The following THADA variants were observed in gnomAD, a reference collection of about 807,000 sequenced individuals.
The protein encoded by THADA is THADA armadillo repeat containing, also known as tRNA (32-2'-O)-methyltransferase regulator THADA.
A neutral mutation model predicts 219.8 loss-of-function variants in THADA; 213 were observed. The observed-to-expected ratio is 0.97, with a 90% confidence interval of 0.87 to 1.09. The LOEUF is 1.09. THADA is among the 50% of genes least tolerant of loss of function. The pLI is 0.00. For missense variants in THADA, 2,956 were observed against 2,311.3 expected, an observed-to-expected ratio of 1.28 and a Z score of -5.72; for synonymous variants, 1,018 against 828.9, an observed-to-expected ratio of 1.23 and a Z score of -3.92.
intron 4 of THADA, among the ~76,000 whole-genome samples, chr2:43,587,614 C>T (rs895588156): frequency 6.6e-6 from 1 of 152,174 alleles, no homozygotes; most frequent in Non-Finnish European, 1.5e-5. Flanking sequence ...CATGTCTGAG[C>T]AAAGCTATAT....
intron 29 of THADA, among the ~76,000 whole-genome samples, chr2:43,387,071 G>C (rs17334415): frequency 0.1 from 15,492 of 152,180 alleles, 864 homozygotes; most frequent in Middle Eastern, 0.14. Context: ...TAGAACCTCT[G>C]TTTTTAGAGA....
chr2:43,356,384 T>C (rs920021323), intron 29 of THADA, among the ~76,000 whole-genome samples: 1 of 152,136 alleles, frequency 6.6e-6, no homozygotes, highest in Non-Finnish European at 1.5e-5. Flanking sequence ...AAAAGTGTTT[T>C]TTAAAAGAAT....
chr2:43,497,511 G>A (rs1205522887), intron 25 of THADA, among the ~76,000 whole-genome samples: 1 of 152,108 alleles, frequency 6.6e-6, no homozygotes, highest in Non-Finnish European at 1.5e-5. Context: ...ACAGAAAGGG[G>A]AACAACACAC....
chr2:43,355,039 A>T (rs1264992076), intron 29 of THADA, among the ~76,000 whole-genome samples: 2 of 152,146 alleles, frequency 1.3e-5, no homozygotes, highest in African/African-American at 4.8e-5. Context: ...CTGAACTGTG[A>T]GTCAGTTAAA....
At chr2:43,443,659 A>T (rs1304473990) in intron 26 of THADA, among the ~76,000 whole-genome samples, 1 of 152,262 alleles carries the variant, frequency 6.6e-6, no homozygotes, top group Admixed American at 6.5e-5. Flanking sequence ...GGAGACCACT[A>T]AAAATTGTGA....
chr2:43,382,896 T>C (rs1215609968), intron 29 of THADA, among the ~76,000 whole-genome samples: 1 of 152,098 alleles, frequency 6.6e-6, no homozygotes, highest in Non-Finnish European at 1.5e-5. Flanking sequence ...ACCACAAAAA[T>C]GGCCTCAAAA....
chr2:43,270,822 G>A (rs915197003), intron 36 of THADA, among the ~76,000 whole-genome samples: 1 of 152,138 alleles, frequency 6.6e-6, no homozygotes, highest in Non-Finnish European at 1.5e-5. Context: ...ACAGCCACCA[G>A]TACTCCAGCC....
Position 43,581,897 on chromosome 2 carries a change from G to C in THADA, c.565C>G (p.Gln189Glu), listed in dbSNP as rs1442591633. 3.2e-6 allele frequency: 5 copies of C among 1,565,286 alleles called. No homozygotes were observed. The highest frequency in any genetic ancestry group is 4.3e-6 in the Non-Finnish European group (5 of 1,161,324). ...KCAGNHIIQT[Q>E]LMNDLLVGIR... ...CCTACCAGTAAGTCATTCATCAACT[G>C]TGTTTGAATAATATGATTTCCAGCA... The change falls in exon 8 of 38, where the codon CAG becomes GAG. Residue 189 changes from glutamine to glutamate, a missense_variant. Gln to Glu is a conservative substitution (Grantham distance 29). Transcript: ENST00000405975.
chr2:43,281,734 G>T (rs1673389712), intron 35 of THADA, among the ~76,000 whole-genome samples: 2 of 151,520 alleles, frequency 1.3e-5, no homozygotes, highest in South Asian at 4.2e-4. Context: ...ACCACGCCTG[G>T]CCTCTCATGC....
At chr2:43,467,330 G>T (rs1684383808) in intron 26 of THADA, among the ~76,000 whole-genome samples, 1 of 151,980 alleles carries the variant, frequency 6.6e-6, no homozygotes, top group Non-Finnish European at 1.5e-5. Context: ...CGCTAGATAT[G>T]AAATGATGTA....
At chr2:43,504,873 G>T (rs529661185) in intron 24 of THADA, among the ~76,000 whole-genome samples, 1 of 152,174 alleles carries the variant, frequency 6.6e-6, no homozygotes, top group African/African-American at 2.4e-5. Context: ...AACAGAGTGA[G>T]ACTCTGTCTC....
At chr2:43,418,012 A>C (rs1677213354) in intron 28 of THADA, among the ~76,000 whole-genome samples, 1 of 152,208 alleles carries the variant, frequency 6.6e-6, no homozygotes, top group African/African-American at 2.4e-5. Context: ...TCAGGATGGA[A>C]AAAATAGGAG....
chr2:43,515,298 A>ATATATAATAT (rs1691510778), intron 22 of THADA, among the ~76,000 whole-genome samples: 1 of 18,472 alleles, frequency 5.4e-5, no homozygotes, highest in East Asian at 1.1e-3. Flanking sequence ...TATAATATAT[A>ATATATAATAT]ATATGTAATA....
At chr2:43,274,637 G>A (rs6712123) in intron 36 of THADA, among the ~76,000 whole-genome samples, 1,763 of 152,226 alleles carry the variant, frequency 0.012, 39 homozygotes, top group African/African-American at 0.04. Context: ...GGGTGCTGTC[G>A]AGAAGATGGG....
At chr2:43,262,637 G>C (rs929132177) in intron 36 of THADA, among the ~76,000 whole-genome samples, 4 of 152,126 alleles carry the variant, frequency 2.6e-5, no homozygotes, top group Admixed American at 2.6e-4. Flanking sequence ...CTAAGTTCGT[G>C]TTTTTTTCCT....
chr2:43,416,974 C>A (rs1172863159), intron 28 of THADA, among the ~76,000 whole-genome samples: 1 of 150,832 alleles, frequency 6.6e-6, no homozygotes, highest in Non-Finnish European at 1.5e-5. Flanking sequence ...ACAATTACTG[C>A]ATAAGAAAAC....
chr2:43,312,709 C>A (rs1167932492), intron 31 of THADA, among the ~76,000 whole-genome samples: 1 of 147,786 alleles, frequency 6.8e-6, no homozygotes, highest in Non-Finnish European at 1.5e-5. Context: ...TTATTGACAA[C>A]AAAGCCTGTT....
intron 29 of THADA, among the ~76,000 whole-genome samples, chr2:43,394,308 T>C (rs957547739): frequency 3.3e-5 from 5 of 152,224 alleles, no homozygotes; most frequent in Admixed American, 1.3e-4. Context: ...CTTTCTTCCA[T>C]AGTCCCAGAA....
At chr2:43,454,711 T>C (rs922055345) in intron 26 of THADA, among the ~76,000 whole-genome samples, 6 of 152,182 alleles carry the variant, frequency 3.9e-5, no homozygotes, top group African/African-American at 1.2e-4. Flanking sequence ...TGTATTCATG[T>C]ATGTCCTGGA....
Sources: allele counts gnomAD v4.1 joint callset (sites outside exome capture counted in the v4.1 genomes callset), GRCh38; gene constraint gnomAD v4.1.1; transcripts MANE v1.5; gene names NCBI Gene and HGNC (gene_info 2026-07-23, HGNC 2026-07-21).